The following COLEC10 variants were observed in gnomAD, a reference collection of about 807,000 sequenced individuals.
The protein encoded by COLEC10 is collectin subfamily member 10.
COLEC10 carries 22 observed loss-of-function variants against 28.4 expected under a neutral mutation model. That is an observed-to-expected ratio of 0.78 (90% confidence interval 0.55 to 1.11). The LOEUF is 1.11. Among genes scored for constraint, COLEC10 ranks in the 50% least tolerant of loss-of-function variants. The probability of loss-of-function intolerance (pLI) is 0.00; values close to 1 mark genes in which losing one functional copy is unlikely to be tolerated. For synonymous variants in COLEC10, 125 were observed against 116.1 expected (o/e 1.08, Z -0.49); for missense variants, 361 against 344.1 (o/e 1.05, Z -0.39).
At chr8:119,072,793 C>A (rs1790595425) in intron 1 of COLEC10, among the ~76,000 whole-genome samples, 1 of 152,204 alleles carries the variant, frequency 6.6e-6, no homozygotes, top group South Asian at 2.1e-4. Context: ...ATGAGAGAGG[C>A]TATGCCATGA....
At chr8:119,097,386 C>T (rs970359448) in intron 3 of COLEC10, among the ~76,000 whole-genome samples, 1 of 151,790 alleles carries the variant, frequency 6.6e-6, no homozygotes. Flanking sequence ...ACAGATAAAA[C>T]AGCAATATGA....
intron 2 of COLEC10, among the ~76,000 whole-genome samples, chr8:119,043,968 C>CA (rs1232595184): frequency 2.6e-5 from 4 of 151,880 alleles, no homozygotes; most frequent in Non-Finnish European, 5.9e-5. Context: ...CAGGGTAAAA[C>CA]AAAACAAAAC....
intron 2 of COLEC10, among the ~76,000 whole-genome samples, chr8:119,041,219 G>T (rs928857188): frequency 6.6e-6 from 1 of 152,104 alleles, no homozygotes; most frequent in Non-Finnish European, 1.5e-5. Flanking sequence ...ACTGCCTAAT[G>T]CTGGCTCTTG....
the COLEC10 span, chr8:118,982,693 TATTAA>T: frequency 1.2e-5 from 2 of 163,022 alleles, no homozygotes; most frequent in Non-Finnish European, 2.8e-5. Context: ...TGGTGATTCA[TATTAA>T]ATGAGCTACA....
intron 2 of COLEC10, among the ~76,000 whole-genome samples, chr8:119,010,011 A>G (rs936428340): frequency 6.6e-6 from 1 of 150,864 alleles, no homozygotes; most frequent in Non-Finnish European, 1.5e-5. Flanking sequence ...GAACATTGAC[A>G]CATCATTATT....
chr8:119,067,575 T>C lies in COLEC10; in HGVS notation c.148+146T>C, dbSNP rs997486487. 6.9e-6 allele frequency: 5 copies of C among 724,860 alleles called. No homozygotes were observed. The African/African-American group carries it at 9.0e-5, about 13-fold the overall frequency. The allele number at this position is 724,860 out of a possible 1,614,324, so 44.9% of individuals were successfully genotyped here. On this transcript the variant is annotated intron_variant, in intron 1 of 5. Coordinates refer to ENST00000332843, the MANE Select transcript of COLEC10 (RefSeq NM_006438.5). ...CTTCTATTTTGGAAAATCAGGATTT[T>C]CCAGATCTGGTCTGTTACTTATTTA...
At chr8:119,028,373 T>C (rs1366669397) in intron 2 of COLEC10, among the ~76,000 whole-genome samples, 1 of 152,146 alleles carries the variant, frequency 6.6e-6, no homozygotes, top group Non-Finnish European at 1.5e-5. Flanking sequence ...TATAAAGACA[T>C]ACCCGAGACT....
intron 1 of COLEC10, among the ~76,000 whole-genome samples, chr8:119,075,396 T>G (rs1815207098): frequency 6.6e-6 from 1 of 152,242 alleles, no homozygotes; most frequent in Non-Finnish European, 1.5e-5. Flanking sequence ...TAGCTTTCTC[T>G]GCTCTTTTAG....
chr8:118,976,065 G>A, the COLEC10 span, among the ~76,000 whole-genome samples: 1 of 151,964 alleles, frequency 6.6e-6, no homozygotes, highest in Non-Finnish European at 1.5e-5. Context: ...TTCTTTAAAT[G>A]TTTGAAATAC....
At chr8:119,005,769 G>A (rs964991060) in intron 1 of COLEC10, among the ~76,000 whole-genome samples, 1 of 152,112 alleles carries the variant, frequency 6.6e-6, no homozygotes, top group African/African-American at 2.4e-5. Flanking sequence ...GAAATTTGGT[G>A]GTGATAATCT....
intron 1 of COLEC10, among the ~76,000 whole-genome samples, chr8:119,071,957 C>T (rs1198110767): frequency 6.6e-6 from 1 of 152,164 alleles, no homozygotes; most frequent in South Asian, 2.1e-4. Context: ...GGGGCCATGG[C>T]CATTGTGCCA....
At chr8:118,957,709 C>T in the COLEC10 span, among the ~76,000 whole-genome samples, 2 of 152,138 alleles carry the variant, frequency 1.3e-5, no homozygotes, top group Non-Finnish European at 2.9e-5. Context: ...GTCATTGTCT[C>T]CAGGACAATC....
chr8:119,096,876 A>G (rs919239310), intron 3 of COLEC10, among the ~76,000 whole-genome samples: 38 of 152,240 alleles, frequency 2.5e-4, no homozygotes, highest in African/African-American at 8.9e-4. Context: ...GACTGACAAT[A>G]TCTAGTGTTG....
rs1813740061 is a variant in COLEC10, at chr8:119,003,716, G to A, written n.123-5725G>A. 2.0e-5 allele frequency among the ~76,000 whole-genome samples: 3 copies of A among 151,892 alleles called. No individual in the cohort carries two copies. In the South Asian group the frequency reaches 6.2e-4, roughly 31 times the overall value. ...CTGATCCCACTTCCTGTTTGATTTT[G>A]GTTGCACCGCTTAACCCATAACCTT... On this transcript the variant is annotated intron_variant and non_coding_transcript_variant, in intron 1 of 6. Transcript: ENST00000521788.
At chr8:119,067,515 T>C in intron 1 of COLEC10, 86 bp downstream of exon 1, 1 of 1,241,174 alleles carries the variant, frequency 8.1e-7, no homozygotes, top group East Asian at 2.5e-5. Flanking sequence ...TTCAATGACT[T>C]TCTCTTCTCT....
At chr8:119,085,666 T>C (rs934493545) in intron 1 of COLEC10, among the ~76,000 whole-genome samples, 4 of 140,092 alleles carry the variant, frequency 2.9e-5, no homozygotes, top group African/African-American at 1.0e-4. Context: ...TCTCGCTCTA[T>C]CACCAGGCTG....
upstream of COLEC10, among the ~76,000 whole-genome samples, chr8:119,063,719 C>T (rs1376274630): frequency 1.4e-5 from 2 of 139,290 alleles, no homozygotes; most frequent in African/African-American, 5.4e-5. Flanking sequence ...TTTAAGGCCA[C>T]AATTCAATTC....
chr8:118,991,912 A>G (rs1055756695), upstream of COLEC10, among the ~76,000 whole-genome samples: 2 of 152,144 alleles, frequency 1.3e-5, no homozygotes, highest in African/African-American at 4.8e-5. Flanking sequence ...TGTTTTACAG[A>G]TGGTTTACAG....
At chr8:119,025,605 C>T (rs914693617) in intron 2 of COLEC10, among the ~76,000 whole-genome samples, 9 of 152,096 alleles carry the variant, frequency 5.9e-5, no homozygotes, top group South Asian at 2.1e-4. Context: ...TGACTAAGCG[C>T]GAGGCTTGAC....
Sources: gnomAD v4.1 joint callset for allele counts (sites outside exome capture counted in the v4.1 genomes callset) on GRCh38, gnomAD v4.1.1 for gene constraint, MANE v1.5 for transcripts, NCBI Gene and HGNC (gene_info 2026-07-23, HGNC 2026-07-21) for gene names.